Variants in PARP15 observed in about 807,000 individuals in gnomAD.
The protein encoded by PARP15 is protein mono-ADP-ribosyltransferase PARP15.
PARP15 carries 50 observed loss-of-function variants against 62.1 expected under a neutral mutation model. That is an observed-to-expected ratio of 0.81 (90% CI 0.64 to 1.02). PARP15 has a LOEUF of 1.02. PARP15 is among the 50% of genes least tolerant of loss of function. PARP15 has a pLI of 0.00. For synonymous variants in PARP15, 309 were observed against 293.1 expected (o/e 1.05, Z -0.55); for missense variants, 820 against 826.5 (o/e 0.99, Z 0.10).
intron 1 of PARP15, among the ~76,000 whole-genome samples, chr3:122,589,888 CTT>C (rs34826853): frequency 2.9e-3 from 299 of 101,970 alleles, no homozygotes; most frequent in African/African-American, 4.0e-3. Context: ...TAAGGCATAA[CTT>C]TTTTTTTTTT....
chr3:122,595,602 G>A (rs1316993377), intron 1 of PARP15, among the ~76,000 whole-genome samples: 2 of 152,086 alleles, frequency 1.3e-5, no homozygotes, highest in Non-Finnish European at 2.9e-5. Flanking sequence ...CAGGCTAGAG[G>A]GCAGTAGCAC....
intron 8 of PARP15, among the ~76,000 whole-genome samples, chr3:122,622,745 T>C (rs116116944): frequency 6.6e-6 from 1 of 152,292 alleles, no homozygotes; most frequent in African/African-American, 2.4e-5. Flanking sequence ...ATCCAGTCAT[T>C]TGCTCTTCTT....
chr3:122,619,836 T>A lies in PARP15; in HGVS notation c.1056T>A (p.Ala352=), dbSNP rs1361245169. 3.7e-6 allele frequency: 6 copies of A among 1,612,750 alleles called. No individual in the cohort carries two copies. Among genetic ancestry groups the A allele is most frequent in the Non-Finnish European group, 4.2e-6 (5 of 1,178,712 alleles). ...GAGQAVESEC[A]VLAAQPHRDF... is the part of the protein sequence containing the mutation. ...GACAAGCTGTGGAAAGTGAATGTGC[T>A]GTACTAGGTATGGGCACATGTTACT... The change falls in exon 7 of 12, where the codon GCT becomes GCA. Residue 352 remains alanine (A), a synonymous_variant. Coordinates refer to ENST00000464300, the MANE Select transcript of PARP15 (RefSeq NM_001113523.3).
At chr3:122,622,914 G>T (rs1449001568) in intron 8 of PARP15, among the ~76,000 whole-genome samples, 5 of 152,078 alleles carry the variant, frequency 3.3e-5, no homozygotes, top group Non-Finnish European at 7.4e-5. Context: ...TAAATTCCTG[G>T]TCTTACAGCC....
rs1242853145 is a variant in PARP15 at position 122,593,559 on chromosome 3, CTT to C, written c.187-12376_187-12375del. On this transcript the variant is annotated intron_variant, in intron 1 of 11. Coordinates refer to ENST00000464300, the MANE Select transcript of PARP15 (RefSeq NM_001113523.3). Reference sequence around the variant, plus strand: ...AATGCAAAAATAATCCTATTAATAACTTAATATTTCAGTAACCATGCATTTGT... The same window carrying C: ...AATGCAAAAATAATCCTATTAATAACAATATTTCAGTAACCATGCATTTGT... Among the ~76,000 whole-genome samples, 4 of 152,074 alleles carry C rather than the reference CTT, an allele frequency of 2.6e-5. No individual in the cohort carries two copies. The East Asian group carries it at 7.7e-4, about 29-fold the overall frequency.
intron 8 of PARP15, among the ~76,000 whole-genome samples, chr3:122,626,597 G>A (rs2107588530): frequency 6.6e-6 from 1 of 152,274 alleles, no homozygotes; most frequent in Admixed American, 6.5e-5. Context: ...ACACAATTAT[G>A]GAGTAGTCTT....
At chr3:122,631,003 T>G (rs1036189442) in intron 9 of PARP15, among the ~76,000 whole-genome samples, 1 of 152,184 alleles carries the variant, frequency 6.6e-6, no homozygotes, top group African/African-American at 2.4e-5. Flanking sequence ...TCCTGATAGC[T>G]TCCTGCTTTC....
At chr3:122,605,084 C>T (rs1022168087) in intron 1 of PARP15, among the ~76,000 whole-genome samples, 6 of 152,002 alleles carry the variant, frequency 3.9e-5, no homozygotes, top group African/African-American at 9.7e-5. Flanking sequence ...ACTGGTAGGG[C>T]GCATCATCAA....
intron 3 of PARP15, 52 bp from the exon 4 acceptor site, chr3:122,612,989 T>C: frequency 6.8e-7 from 1 of 1,463,996 alleles, no homozygotes; most frequent in Non-Finnish European, 9.3e-7. Flanking sequence ...ACTCTTTCTG[T>C]TTTCCGCTAG....
At chr3:122,634,819 C>A (rs1937257145) in intron 10 of PARP15, among the ~76,000 whole-genome samples, 1 of 152,180 alleles carries the variant, frequency 6.6e-6, no homozygotes, top group African/African-American at 2.4e-5. Flanking sequence ...CTAATAGATA[C>A]TTTTAGCCCA....
intron 1 of PARP15, among the ~76,000 whole-genome samples, chr3:122,585,361 A>G (rs894856770): frequency 1.3e-5 from 2 of 152,170 alleles, no homozygotes; most frequent in Non-Finnish European, 2.9e-5. Context: ...TGTCTCTCCA[A>G]TCTGGAGGCT....
intron 1 of PARP15, among the ~76,000 whole-genome samples, chr3:122,598,098 A>G (rs1352933544): frequency 2.6e-5 from 4 of 152,184 alleles, no homozygotes; most frequent in Admixed American, 1.3e-4. Flanking sequence ...TATTGCTGGT[A>G]TAGTGGTTAG....
At chr3:122,594,775 T>G in intron 1 of PARP15, 9 of 981,086 alleles carry the variant, frequency 9.2e-6, no homozygotes, top group Non-Finnish European at 9.7e-6. Flanking sequence ...ATGTTTGTGA[T>G]GGACACCATG....
In PARP15 at chr3:122,636,651, A is replaced by G. The variant is rs1410442856; in HGVS notation, c.*551A>G. ...CTGTTTACATTTCAGGTAAAAATGT[A>G]TCGCATTGTTATCTAATATTAAAAA... is the stretch of plus-strand genomic sequence containing the variant. On this transcript the variant is annotated 3_prime_UTR_variant, in exon 12 of 12. Coordinates refer to ENST00000464300, the MANE Select transcript of PARP15 (RefSeq NM_001113523.3). 1.3e-5 allele frequency: 2 copies of G among 153,572 alleles called. No individual in the cohort carries two copies. The highest frequency in any genetic ancestry group is 2.9e-5 in the Non-Finnish European group (2 of 68,954). The allele number at this position is 153,572 out of a possible 1,614,324, so 9.5% of individuals were successfully genotyped here.
rs769027576 is a variant in PARP15, at chr3:122,635,831, AC to A, written c.1770del (p.Tyr591IlefsTer42). The A allele has an allele frequency of 2.5e-6, 4 of 1,613,554 alleles. No individual in the cohort carries two copies. In the African/African-American group the frequency reaches 5.3e-5, roughly 22 times the overall value. On this transcript the variant is annotated frameshift_variant, in exon 12 of 12. Transcript: ENST00000464300. LOFTEE classifies it low-confidence loss of function (END_TRUNC). ...TCCAGCTGTATCCTATGGAAAAGGA[AC>A]CTATTTTGCTGTGGATGCCAGTTAT... Reference protein sequence around the residue: ...GKNAVSYGKGTYFAVDASYSA... With the variant: ...GKNAVSYGKGXYFAVDASYSA...
chr3:122,605,339 A>T (rs540355736), intron 1 of PARP15, among the ~76,000 whole-genome samples: 37 of 152,286 alleles, frequency 2.4e-4, no homozygotes, highest in African/African-American at 8.7e-4. Flanking sequence ...GGGTACATTT[A>T]AGTAGTAAGG....
intron 8 of PARP15, among the ~76,000 whole-genome samples, chr3:122,626,188 C>T (rs113521163): frequency 6.8e-5 from 10 of 146,586 alleles, no homozygotes; most frequent in African/African-American, 2.1e-4. Flanking sequence ...AATGCAGCAG[C>T]TGTCACTCTT....
chr3:122,609,706 A>T (rs1576513455), intron 2 of PARP15, among the ~76,000 whole-genome samples: 3 of 137,120 alleles, frequency 2.2e-5, no homozygotes, highest in South Asian at 4.3e-4. Flanking sequence ...TAAAAAAAAA[A>T]AAATTAAAAA....
intron 1 of PARP15, among the ~76,000 whole-genome samples, chr3:122,595,612 C>T (rs1176457469): frequency 2.0e-5 from 3 of 152,162 alleles, no homozygotes; most frequent in South Asian, 2.1e-4. Context: ...GGCAGTAGCA[C>T]GATCTTGGCC....
Sources: allele counts gnomAD v4.1 joint callset (sites outside exome capture counted in the v4.1 genomes callset), GRCh38; gene constraint gnomAD v4.1.1; transcripts MANE v1.5; gene names NCBI Gene and HGNC (gene_info 2026-07-23, HGNC 2026-07-21).